GPC5: variants seen among roughly 807,000 people sequenced by gnomAD.
GPC5 encodes glypican-5.
Under a neutral mutation model 53.9 loss-of-function variants are expected in GPC5, and 47 were observed. The observed-to-expected ratio is 0.87, with a 90% CI of 0.69 to 1.11. GPC5 has a LOEUF of 1.11. Ranked by LOEUF, GPC5 falls within the 50% of genes most tolerant of loss-of-function variation. The pLI is 0.00. For synonymous variants in GPC5, 286 were observed against 263.3 expected, an observed-to-expected ratio of 1.09 and a Z score of -0.84; for missense variants, 748 against 713.1, an observed-to-expected ratio of 1.05 and a Z score of -0.56.
chr13:92,167,576 A>G (rs907681734), intron 7 of GPC5, among the ~76,000 whole-genome samples: 2 of 152,214 alleles, frequency 1.3e-5, no homozygotes, highest in Non-Finnish European at 1.5e-5. Flanking sequence ...AAATGGTTTT[A>G]AAAGAAACAA....
At chr13:92,377,567 A>G (rs1181931180) in intron 7 of GPC5, among the ~76,000 whole-genome samples, 2 of 152,212 alleles carry the variant, frequency 1.3e-5, no homozygotes, top group African/African-American at 4.8e-5. Flanking sequence ...TAATATATGT[A>G]AGGACTGCAC....
At chr13:91,912,136 T>A (rs1387873165) in intron 6 of GPC5, among the ~76,000 whole-genome samples, 1 of 152,198 alleles carries the variant, frequency 6.6e-6, no homozygotes, top group Non-Finnish European at 1.5e-5. Flanking sequence ...ATACAAAAAA[T>A]TGTATTGCAA....
At chr13:92,780,594 T>C (rs1386839890) in intron 7 of GPC5, among the ~76,000 whole-genome samples, 3 of 152,002 alleles carry the variant, frequency 2.0e-5, no homozygotes, top group African/African-American at 7.2e-5. Flanking sequence ...AATAATATGG[T>C]CATAATCGTG....
At chr13:92,326,464 G>C (rs2139229937) in intron 7 of GPC5, among the ~76,000 whole-genome samples, 1 of 152,132 alleles carries the variant, frequency 6.6e-6, no homozygotes, top group Admixed American at 6.6e-5. Flanking sequence ...GCTGTTGGTA[G>C]TTTATTGATT....
intron 6 of GPC5, among the ~76,000 whole-genome samples, chr13:91,925,848 C>G (rs117072120): frequency 4.2e-3 from 632 of 152,226 alleles, no homozygotes; most frequent in Middle Eastern, 6.8e-3. Flanking sequence ...TATAGGAACT[C>G]AGAAGACATT....
At chr13:92,279,227 T>A (rs1266766586) in intron 7 of GPC5, among the ~76,000 whole-genome samples, 1 of 152,082 alleles carries the variant, frequency 6.6e-6, no homozygotes, top group East Asian at 1.9e-4. Flanking sequence ...TTAGTGTGCA[T>A]ACCTTGCACT....
At chr13:92,196,253 T>A (rs939310498) in intron 7 of GPC5, among the ~76,000 whole-genome samples, 1 of 152,294 alleles carries the variant, frequency 6.6e-6, no homozygotes, top group Non-Finnish European at 1.5e-5. Context: ...ATATCAATTT[T>A]ACAGCCATTT....
intron 1 of GPC5, among the ~76,000 whole-genome samples, chr13:91,425,677 T>C (rs1208539513): frequency 1.3e-5 from 2 of 152,230 alleles, no homozygotes; most frequent in East Asian, 1.9e-4. Flanking sequence ...CTTGGGTATG[T>C]CTTTATAGCA....
intron 7 of GPC5, among the ~76,000 whole-genome samples, chr13:92,613,343 TA>T (rs1884513706): frequency 1.9e-5 from 2 of 103,748 alleles, no homozygotes; most frequent in African/African-American, 3.9e-5. Context: ...ATAATATATT[TA>T]TATATAAATA....
intron 7 of GPC5, among the ~76,000 whole-genome samples, chr13:92,541,998 A>C (rs933616670): frequency 8.5e-5 from 13 of 152,058 alleles, no homozygotes; most frequent in African/African-American, 3.1e-4. Context: ...TTGCACCAGA[A>C]AGGGTCTGTT....
chr13:91,641,778 A>G (rs2034436828), intron 2 of GPC5, among the ~76,000 whole-genome samples: 1 of 152,222 alleles, frequency 6.6e-6, no homozygotes. Context: ...CTTGATTAAG[A>G]ACATTGGATG....
At chr13:92,102,539 C>A (rs1332613191) in intron 6 of GPC5, among the ~76,000 whole-genome samples, 1 of 151,966 alleles carries the variant, frequency 6.6e-6, no homozygotes, top group South Asian at 2.1e-4. Context: ...AAGATATAAG[C>A]CTTTTCCTAA....
chr13:91,439,490 A>G (rs1040333061), intron 1 of GPC5, among the ~76,000 whole-genome samples: 2 of 152,180 alleles, frequency 1.3e-5, no homozygotes. Flanking sequence ...TATATTTTCA[A>G]TCTGCATCTT....
intron 7 of GPC5, among the ~76,000 whole-genome samples, chr13:92,826,072 C>T (rs1490425100): frequency 1.3e-5 from 2 of 152,076 alleles, no homozygotes; most frequent in Non-Finnish European, 2.9e-5. Flanking sequence ...TCTAAGATGA[C>T]CTTCCATGCC....
intron 7 of GPC5, among the ~76,000 whole-genome samples, chr13:92,693,325 T>C (rs1887468647): frequency 6.6e-6 from 1 of 152,062 alleles, no homozygotes; most frequent in South Asian, 2.1e-4. Context: ...GTTGGAACAG[T>C]TTAGAAGGCT....
chr13:92,281,470 C>T (rs12866518), intron 7 of GPC5, among the ~76,000 whole-genome samples: 10 of 152,244 alleles, frequency 6.6e-5, no homozygotes, highest in African/African-American at 1.7e-4. Context: ...CCCTGACCAC[C>T]GAGTAGCCTA....
chr13:92,719,495 C>T (rs1888440576), intron 7 of GPC5, among the ~76,000 whole-genome samples: 1 of 152,064 alleles, frequency 6.6e-6, no homozygotes, highest in African/African-American at 2.4e-5. Context: ...GCCTCACTTC[C>T]CATTAAAGGA....
chr13:92,076,060 GA>G (rs2041249155), intron 6 of GPC5, among the ~76,000 whole-genome samples: 2 of 141,306 alleles, frequency 1.4e-5, no homozygotes, highest in South Asian at 4.8e-4. Context: ...CTTAGAGAGG[GA>G]AAGTTTCGAA....
intron 6 of GPC5, among the ~76,000 whole-genome samples, chr13:92,033,973 T>C (rs1171261398): frequency 6.6e-6 from 1 of 152,206 alleles, no homozygotes; most frequent in African/African-American, 2.4e-5. Flanking sequence ...TTAAACAACA[T>C]ATTTTTCCAT....
Sources: gnomAD v4.1 joint callset for allele counts (sites outside exome capture counted in the v4.1 genomes callset) on GRCh38, gnomAD v4.1.1 for gene constraint, MANE v1.5 for transcripts, NCBI Gene and HGNC (gene_info 2026-07-23, HGNC 2026-07-21) for gene names.